VWA8: variants seen among roughly 807,000 people sequenced by gnomAD.
VWA8 encodes the protein von Willebrand factor A domain-containing protein 8.
In VWA8, 221 loss-of-function variants were observed where a neutral mutation model predicts 241.5. That is an observed-to-expected ratio of 0.91 (90% CI 0.82 to 1.02). The LOEUF (loss-of-function observed/expected upper bound fraction) is 1.02, where lower values mean the gene tolerates loss of function less well. VWA8 is among the 50% of genes least tolerant of loss of function. VWA8 has a pLI of 0.00. For synonymous variants in VWA8, 852 were observed against 827.1 expected (o/e 1.03, Z -0.52); for missense variants, 2,322 against 2,328.7 (o/e 1.00, Z 0.06).
intron 37 of VWA8, among the ~76,000 whole-genome samples, chr13:41,650,545 C>G (rs1040894715): frequency 3.3e-5 from 5 of 152,222 alleles, no homozygotes; most frequent in Non-Finnish European, 5.9e-5. Flanking sequence ...CCAAAGGATT[C>G]TCCAGTTTTA....
At position 41,960,890 on chromosome 13, in the gene VWA8, C is replaced by T. The variant is rs1457094895; in HGVS notation, c.126G>A (p.Glu42=). ...RRPGGDRQRP[E]VRLLHAGSGA... ...CCGAGCCGGCGTGCAACAGTCTGAC[C>T]TCCGGCCGCTGCCTGTCGCCACCCG... is the stretch of plus-strand genomic sequence containing the variant. The change falls in exon 1 of 45, where the codon GAG becomes GAA. Residue 42 remains glutamate, a synonymous_variant. Coordinates refer to ENST00000379310, the MANE Select transcript of VWA8 (RefSeq NM_015058.2). 1 of 1,514,886 alleles carries T rather than the reference C, an allele frequency of 6.6e-7. No homozygotes were observed. The highest frequency in any genetic ancestry group is 1.2e-5 in the South Asian group (1 of 82,960). The allele number at this position is 1,514,886 out of a possible 1,614,324, so 93.8% of individuals were successfully genotyped here.
At chr13:41,691,477 A>G in intron 31 of VWA8, 32 bp from the exon 32 acceptor site, 1 of 1,608,754 alleles carries the variant, frequency 6.2e-7, no homozygotes, top group South Asian at 1.1e-5. Context: ...TCTGAAAGGA[A>G]ATGGTGAGGA....
chr13:41,856,671 A>T (rs570055260), intron 12 of VWA8, among the ~76,000 whole-genome samples: 91 of 152,194 alleles, frequency 6.0e-4, no homozygotes, highest in African/African-American at 2.0e-3. Context: ...AAATACAAAA[A>T]AAATTAGCCA....
At chr13:41,888,801 T>C (rs976363654) in intron 5 of VWA8, among the ~76,000 whole-genome samples, 10 of 152,212 alleles carry the variant, frequency 6.6e-5, no homozygotes, top group African/African-American at 1.9e-4. Flanking sequence ...GTTGACTGAT[T>C]GCATGAACTA....
chr13:41,635,517 G>A (rs922003530), intron 37 of VWA8, among the ~76,000 whole-genome samples: 10 of 152,294 alleles, frequency 6.6e-5, no homozygotes, highest in East Asian at 1.9e-4. Context: ...CGGTTAGTCT[G>A]CACACCTGCC....
intron 32 of VWA8, 110 bp from the exon 33 acceptor site, chr13:41,690,385 G>T: frequency 1.1e-6 from 1 of 881,530 alleles, no homozygotes; most frequent in Non-Finnish European, 1.7e-6. Context: ...TATAGTTCCA[G>T]TATAATTTGC....
chr13:41,610,010 A>G (rs2044577334), intron 39 of VWA8, among the ~76,000 whole-genome samples: 2 of 152,172 alleles, frequency 1.3e-5, no homozygotes, highest in South Asian at 4.1e-4. Flanking sequence ...AAGGGCGTAC[A>G]TACTTGTGGC....
At chr13:41,840,748 G>A (rs73185311) in intron 12 of VWA8, among the ~76,000 whole-genome samples, 1,829 of 146,214 alleles carry the variant, frequency 0.013, 13 homozygotes, top group East Asian at 0.021. Context: ...GACAAAGTGA[G>A]ACCGTCTCAA....
intron 29 of VWA8, among the ~76,000 whole-genome samples, chr13:41,694,502 C>G (rs942687501): frequency 4.6e-5 from 7 of 151,938 alleles, no homozygotes; most frequent in African/African-American, 1.4e-4. Flanking sequence ...TCATTCACCA[C>G]TACTTGACAG....
At chr13:41,749,302 T>G (rs2045635415) in intron 21 of VWA8, among the ~76,000 whole-genome samples, 1 of 152,078 alleles carries the variant, frequency 6.6e-6, no homozygotes, top group Non-Finnish European at 1.5e-5. Context: ...AAAACCACAA[T>G]GAGATACCAT....
chr13:41,908,333 G>A (rs958418318), intron 3 of VWA8, among the ~76,000 whole-genome samples: 8 of 152,106 alleles, frequency 5.3e-5, no homozygotes, highest in Non-Finnish European at 1.0e-4. Flanking sequence ...AGGTATGGTG[G>A]CGCATGCCTG....
intron 21 of VWA8, among the ~76,000 whole-genome samples, chr13:41,751,723 C>T (rs1289506057): frequency 6.6e-6 from 1 of 152,066 alleles, no homozygotes; most frequent in Non-Finnish European, 1.5e-5. Context: ...CATAAAGAAA[C>T]TATGACAGAG....
At chr13:41,853,519 G>A (rs915046022) in intron 12 of VWA8, among the ~76,000 whole-genome samples, 4 of 151,912 alleles carry the variant, frequency 2.6e-5, no homozygotes, top group Non-Finnish European at 5.9e-5. Flanking sequence ...GATTTTCTCT[G>A]GTGGCAGGTT....
chr13:41,911,901 A>C, intron 3 of VWA8, 137 bp downstream of exon 3: 1 of 1,110,688 alleles, frequency 9.0e-7, no homozygotes, highest in East Asian at 3.1e-5. Flanking sequence ...ACACTTTATA[A>C]ACAAATCACC....
chr13:41,787,644 CTAATT>C, intron 17 of VWA8, 101 bp from the exon 18 acceptor site: 8 of 656,962 alleles, frequency 1.2e-5, no homozygotes, highest in Non-Finnish European at 1.8e-5. Flanking sequence ...ACACTCCTTA[CTAATT>C]ACAACTAATT....
rs1037119519 is a variant in VWA8 at position 41,624,737 on chromosome 13, G to A, written c.4612-9653C>T. On this transcript the variant is annotated intron_variant, in intron 37 of 44. Transcript: ENST00000379310. ...ACATCATACTGAATGGGCAAAGGCTGAAAGCATTCTCTTTGAGAATCGAAA... is the reference window on the plus strand; with the variant it reads ...ACATCATACTGAATGGGCAAAGGCTAAAAGCATTCTCTTTGAGAATCGAAA... Among the ~76,000 whole-genome samples the A allele has an allele frequency of 1.1e-4, 17 of 152,160 alleles. 1 individual carries two copies. The highest frequency in any genetic ancestry group is 3.9e-4 in the African/African-American group (16 of 41,444).
chr13:41,752,595 T>C (rs2045664352), intron 21 of VWA8, among the ~76,000 whole-genome samples: 1 of 152,140 alleles, frequency 6.6e-6, no homozygotes, highest in South Asian at 2.1e-4. Context: ...CCCTATTTAG[T>C]TGGAGAGGCA....
intron 21 of VWA8, among the ~76,000 whole-genome samples, chr13:41,740,278 T>C (rs181255491): frequency 1.5e-3 from 232 of 152,332 alleles, no homozygotes; most frequent in African/African-American, 5.3e-3. Flanking sequence ...TAAAATTTGA[T>C]GTAGATTTTT....
chr13:41,838,777 G>C (rs1871858269), intron 12 of VWA8, among the ~76,000 whole-genome samples: 1 of 152,064 alleles, frequency 6.6e-6, no homozygotes, highest in Admixed American at 6.6e-5. Flanking sequence ...TTAGTTTGCT[G>C]AGAATGATGG....
Sources: gnomAD v4.1 joint callset for allele counts (sites outside exome capture counted in the v4.1 genomes callset) on GRCh38, gnomAD v4.1.1 for gene constraint, MANE v1.5 for transcripts, NCBI Gene and HGNC (gene_info 2026-07-23, HGNC 2026-07-21) for gene names.